Variants in GIPC3 observed in about 807,000 individuals in gnomAD.
The protein encoded by GIPC3 is GIPC PDZ domain containing family member 3.
In GIPC3, 16 loss-of-function variants were observed where a neutral mutation model predicts 27.3. The observed-to-expected ratio is 0.59, with a 90% CI of 0.40 to 0.89. The LOEUF is 0.89. GIPC3 is among the 40% of genes least tolerant of loss of function. GIPC3 has a pLI of 0.00. For synonymous variants in GIPC3, 194 were observed against 184.6 expected, an observed-to-expected ratio of 1.05 and a Z score of -0.41; for missense variants, 440 against 442.1, an observed-to-expected ratio of 1.00 and a Z score of 0.04.
chr19:3,590,249 C>T lies in GIPC3; in HGVS notation c.*59C>T. ...CGGAGCCCAGCCCCCTGCCCCGGCC[C>T]TGCTCCAGAACCCAGCCCAGATCGG... On this transcript the variant is annotated 3_prime_UTR_variant, in exon 6 of 6. Coordinates refer to ENST00000644452, the MANE Select transcript of GIPC3 (RefSeq NM_133261.3). The T allele has an allele frequency of 6.5e-7, 1 of 1,541,290 alleles. No homozygotes were observed. The highest frequency in any genetic ancestry group is 8.8e-7 in the Non-Finnish European group (1 of 1,142,086).
Position 3,591,286 on chromosome 19 carries a change from C to T in GIPC3, c.*1096C>T, listed in dbSNP as rs529832797. ...TCTGAAGCCCAGGCCAGCTCTGAGA[C>T]GAAGCACATCTCTAGAATCCAGCTG... is the stretch of plus-strand genomic sequence containing the variant. On this transcript the variant is annotated 3_prime_UTR_variant, in exon 6 of 6. Transcript: ENST00000644452. 3.7e-5 allele frequency: 45 copies of T among 1,232,520 alleles called. No homozygotes were observed. The highest frequency in any genetic ancestry group is 8.2e-5 in the South Asian group (2 of 24,360). 76.3% of individuals were successfully genotyped at this position (1,232,520 alleles called of 1,614,324 possible).
In GIPC3 at chr19:3,591,480, G is replaced by A. The variant is rs1334991603; in HGVS notation, c.*1290G>A. 5 of 1,232,452 alleles carry A rather than the reference G, an allele frequency of 4.1e-6. No individual in the cohort carries two copies. The highest frequency in any genetic ancestry group is 4.1e-5 in the South Asian group (1 of 24,346). The allele number at this position is 1,232,452 out of a possible 1,614,324, so 76.3% of individuals were successfully genotyped here. Reference sequence around the variant, plus strand: ...CAGCTCCACGATGCAGCCACACCTGGACACTCGGTCTAGCTCCGGAACCCC... The same window carrying A: ...CAGCTCCACGATGCAGCCACACCTGAACACTCGGTCTAGCTCCGGAACCCC... On this transcript the variant is annotated 3_prime_UTR_variant, in exon 6 of 6. Coordinates refer to ENST00000644452, the MANE Select transcript of GIPC3 (RefSeq NM_133261.3).
In GIPC3 at chr19:3,592,956, C is replaced by G. The variant is rs1162927408; in HGVS notation, c.*2766C>G. 8.2e-7 allele frequency: 1 copy of G among 1,224,126 alleles called. No individual in the cohort carries two copies. Among genetic ancestry groups the G allele is most frequent in the African/African-American group, 1.6e-5 (1 of 63,908 alleles). The allele number at this position is 1,224,126 out of a possible 1,614,324, so 75.8% of individuals were successfully genotyped here. On this transcript the variant is annotated 3_prime_UTR_variant, in exon 6 of 6. Transcript: ENST00000644452. ...AGGCCCATCCCCCAGAGACCCCACC[C>G]CAGCCCCTAGCAAAGACCCCCAGCC...
At chr19:3,587,963 A>G (rs1474120678) in intron 3 of GIPC3, among the ~76,000 whole-genome samples, 2 of 152,006 alleles carry the variant, frequency 1.3e-5, no homozygotes, top group Non-Finnish European at 2.9e-5. Flanking sequence ...TGCTGCGATT[A>G]CAGGTGTGAG....
At position 3,587,695 on chromosome 19, in the gene GIPC3, C is replaced by CTTTTTTCTTTTCTTT. The variant is rs548820972; in HGVS notation, c.592+707_592+708insCTTTTCTTTTTTTTT. ...TTTCCTTTCTTTTTTCTTTTCTTTT[C>CTTTTTTCTTTTCTTT]TTTTTTTTTTTTTGAGACGGAGTCT... On this transcript the variant is annotated intron_variant, in intron 3 of 5. Transcript: ENST00000644452. Among the ~76,000 whole-genome samples the CTTTTTTCTTTTCTTT allele has an allele frequency of 3.8e-3, 501 of 131,198 alleles. 4 individuals are homozygous for CTTTTTTCTTTTCTTT. The highest frequency in any genetic ancestry group is 5.8e-3 in the Non-Finnish European group (357 of 61,970). The allele number at this position is 131,198 out of a possible 152,430, so 86.1% of individuals were successfully genotyped here.
At chr19:3,588,509 C>T (rs560336471) in intron 3 of GIPC3, among the ~76,000 whole-genome samples, 21 of 151,956 alleles carry the variant, frequency 1.4e-4, no homozygotes, top group Admixed American at 9.8e-4. Context: ...TCTGCCCTGC[C>T]GTGGCTGTGA....
chr19:3,592,871 C>T lies in GIPC3; in HGVS notation c.*2681C>T, dbSNP rs1415714554. On this transcript the variant is annotated 3_prime_UTR_variant, in exon 6 of 6. Coordinates refer to ENST00000644452, the MANE Select transcript of GIPC3 (RefSeq NM_133261.3). Reference sequence around the variant, plus strand: ...CTGGAAATGGAATCTGCCCACAGACCCCTGGCCTTGACCCTAGAATCCAGC... The same window carrying T: ...CTGGAAATGGAATCTGCCCACAGACTCCTGGCCTTGACCCTAGAATCCAGC... The T allele has an allele frequency of 2.7e-5, 33 of 1,232,126 alleles. No homozygotes were observed. The highest frequency in any genetic ancestry group is 3.3e-5 in the Non-Finnish European group (33 of 988,134). The allele number at this position is 1,232,126 out of a possible 1,614,324, so 76.3% of individuals were successfully genotyped here.
At position 3,586,993 on chromosome 19, in the gene GIPC3, C is replaced by A. The variant is rs759536524; in HGVS notation, c.591C>A (p.Phe197Leu). ...GCCTGGTGCAGCCCAAGAGGGCCTT[C>A]GGTGAGGCGGGTGGGCTGGCGGGAG... The part of the protein sequence containing the change: ...TLRLVQPKRA[F>L]DMIGQRSRSS... The change falls in exon 3 of 6, where the codon TTC becomes TTA. Residue 197 changes from phenylalanine (F) to leucine (L), a missense_variant and splice_region_variant. By Grantham distance (22) the Phe-to-Leu change is conservative (BLOSUM62 0). Coordinates refer to ENST00000644452, the MANE Select transcript of GIPC3 (RefSeq NM_133261.3). 4.3e-6 allele frequency: 7 copies of A among 1,611,334 alleles called. No individual in the cohort carries two copies. The African/African-American group carries it at 8.0e-5, about 18-fold the overall frequency.
chr19:3,590,537 C>A lies in GIPC3; in HGVS notation c.*347C>A. The stretch of plus-strand genomic sequence containing the variant: ...CCAAGCCCTGTTCTAGAACTCAGGC[C>A]TGCTCTGAGGCCAAGCCCAGCTCTA... On this transcript the variant is annotated 3_prime_UTR_variant, in exon 6 of 6. Coordinates refer to ENST00000644452, the MANE Select transcript of GIPC3 (RefSeq NM_133261.3). 1 of 1,368,276 alleles carries A rather than the reference C, an allele frequency of 7.3e-7. No individual in the cohort carries two copies. Among genetic ancestry groups the A allele is most frequent in the Non-Finnish European group, 9.4e-7 (1 of 1,066,200 alleles). The allele number at this position is 1,368,276 out of a possible 1,614,324, so 84.8% of individuals were successfully genotyped here.
intron 5 of GIPC3, 32 bp from the exon 6 acceptor site, chr19:3,590,007 C>A (rs549625647): frequency 6.2e-7 from 1 of 1,613,040 alleles, no homozygotes; most frequent in Admixed American, 1.7e-5. Flanking sequence ...GGGGAGTGCC[C>A]TCACTGACAT....
In GIPC3 at chr19:3,592,474, A is replaced by C; in HGVS notation, c.*2284A>C. 1 of 1,231,744 alleles carries C rather than the reference A, an allele frequency of 8.1e-7. No individual in the cohort carries two copies. The highest frequency in any genetic ancestry group is 1.0e-6 in the Non-Finnish European group (1 of 987,906). The allele number at this position is 1,231,744 out of a possible 1,614,324, so 76.3% of individuals were successfully genotyped here. A position where few individuals can be genotyped will look rare whatever the true frequency, so the allele number is the denominator to read the frequency against. ...TCCAGAACTCAGACTAGTTCTGGAA[A>C]CCAGCTCAGCTCCGGGACCCAGACC... On this transcript the variant is annotated 3_prime_UTR_variant, in exon 6 of 6. Transcript: ENST00000644452.
chr19:3,588,656 A>AAAAAAAAAAAAAAC (rs1555704535), intron 3 of GIPC3, among the ~76,000 whole-genome samples: 15 of 150,912 alleles, frequency 9.9e-5, no homozygotes, highest in African/African-American at 3.4e-4. Flanking sequence ...AAAAAAAAAA[A>AAAAAAAAAAAAAAC]AAACCTGGCT....
chr19:3,589,350 A>T, intron 3 of GIPC3, 93 bp from the exon 4 acceptor site: 1 of 901,172 alleles, frequency 1.1e-6, no homozygotes, highest in South Asian at 1.3e-5. Context: ...GGGGAGGAAG[A>T]TTCTAGAAAG....
At position 3,586,574 on chromosome 19, in the gene GIPC3, T is replaced by A. The variant is rs779895059; in HGVS notation, c.305T>A (p.Ile102Asn). 1 of 1,613,844 alleles carries A rather than the reference T, an allele frequency of 6.2e-7. No individual in the cohort carries two copies. The highest frequency in any genetic ancestry group is 1.7e-5 in the Admixed American group (1 of 60,020). Residue 102 changes from isoleucine (I) to asparagine (N), a missense_variant, in exon 2 of 6, where the codon ATC (isoleucine) becomes AAC (asparagine). Coordinates refer to ENST00000644452, the MANE Select transcript of GIPC3 (RefSeq NM_133261.3). ...GGTCAGATAGGCCTGGAGGACTTCA[T>A]CTTTGCCCACGTGCGAGGCGAGACC... ...LGGQIGLEDF[I>N]FAHVRGETKE...
At position 3,591,434 on chromosome 19, in the gene GIPC3, A is replaced by G. The variant is rs2032486794; in HGVS notation, c.*1244A>G. ...AGACCAAGCCCTGCTGGAAAACTCAAGCTGACTCTGGAACTCTGGACAGCT... is the reference window on the plus strand; with the variant it reads ...AGACCAAGCCCTGCTGGAAAACTCAGGCTGACTCTGGAACTCTGGACAGCT... On this transcript the variant is annotated 3_prime_UTR_variant, in exon 6 of 6. Coordinates refer to ENST00000644452, the MANE Select transcript of GIPC3 (RefSeq NM_133261.3). 3 of 1,232,330 alleles carry G rather than the reference A, an allele frequency of 2.4e-6. No homozygotes were observed. Among genetic ancestry groups the G allele is most frequent in the Non-Finnish European group, 3.0e-6 (3 of 988,184 alleles). 76.3% of individuals were successfully genotyped at this position (1,232,330 alleles called of 1,614,324 possible).
At position 3,592,114 on chromosome 19, in the gene GIPC3, C is replaced by T. The variant is rs991145952; in HGVS notation, c.*1924C>T. 1 of 1,232,014 alleles carries T rather than the reference C, an allele frequency of 8.1e-7. No homozygotes were observed. The highest frequency in any genetic ancestry group is 1.6e-5 in the African/African-American group (1 of 64,418). 76.3% of individuals were successfully genotyped at this position (1,232,014 alleles called of 1,614,324 possible). A position where few individuals can be genotyped will look rare whatever the true frequency, so the allele number is the denominator to read the frequency against. On this transcript the variant is annotated 3_prime_UTR_variant, in exon 6 of 6. Transcript: ENST00000644452. ...TCTGGAGTCCAATCTAGTCCTGGGA[C>T]CCAGGCCATCGCAGCAATAGAATTA... is the stretch of plus-strand genomic sequence containing the variant.
chr19:3,589,724 G>A (rs371957896), intron 4 of GIPC3, 107 bp from the exon 5 acceptor site: 106 of 1,201,712 alleles, frequency 8.8e-5, no homozygotes, highest in East Asian at 6.6e-4. Context: ...CTACTGACTC[G>A]TGTGAGGGTC....
Position 3,591,435 on chromosome 19 carries a change from G to A in GIPC3, c.*1245G>A. ...GACCAAGCCCTGCTGGAAAACTCAA[G>A]CTGACTCTGGAACTCTGGACAGCTC... is the stretch of plus-strand genomic sequence containing the variant. On this transcript the variant is annotated 3_prime_UTR_variant, in exon 6 of 6. Transcript: ENST00000644452. 1 of 1,232,320 alleles carries A rather than the reference G, an allele frequency of 8.1e-7. No individual in the cohort carries two copies. The highest frequency in any genetic ancestry group is 1.0e-6 in the Non-Finnish European group (1 of 988,178). 76.3% of individuals were successfully genotyped at this position (1,232,320 alleles called of 1,614,324 possible). A position where few individuals can be genotyped will look rare whatever the true frequency, so the allele number is the denominator to read the frequency against.
In GIPC3 at chr19:3,593,383, C is replaced by A; in HGVS notation, c.*3193C>A. ...AGAAGCAGCAAGTGACCTTATTTCTCCAGCAGGCGGTGGTAGGGAGTGTGC... is the reference window on the plus strand; with the variant it reads ...AGAAGCAGCAAGTGACCTTATTTCTACAGCAGGCGGTGGTAGGGAGTGTGC... On this transcript the variant is annotated 3_prime_UTR_variant, in exon 6 of 6. Transcript: ENST00000644452. The A allele has an allele frequency of 9.0e-7, 1 of 1,115,104 alleles. No individual in the cohort carries two copies. The highest frequency in any genetic ancestry group is 1.1e-6 in the Non-Finnish European group (1 of 881,686). 69.1% of individuals were successfully genotyped at this position (1,115,104 alleles called of 1,614,324 possible).
Sources: allele counts gnomAD v4.1 joint callset (sites outside exome capture counted in the v4.1 genomes callset), GRCh38; gene constraint gnomAD v4.1.1; transcripts MANE v1.5; gene names NCBI Gene and HGNC (gene_info 2026-07-23, HGNC 2026-07-21).